Variants in ADAMTS5 observed in about 807,000 individuals in gnomAD.
The protein encoded by ADAMTS5 is ADAM metallopeptidase with thrombospondin type 1 motif 5.
ADAMTS5 carries 54 observed loss-of-function variants against 81.4 expected under a neutral mutation model. The ratio of observed to expected loss-of-function variants is 0.66; its 90% CI spans 0.53 to 0.83. The LOEUF is 0.83. Among genes scored for constraint, ADAMTS5 ranks in the 40% least tolerant of loss-of-function variants. The pLI, the probability that ADAMTS5 is intolerant of heterozygous loss-of-function variation, is 0.00. For synonymous variants in ADAMTS5, 532 were observed against 508.8 expected (o/e 1.05, Z -0.61); for missense variants, 1,194 against 1,229.9 (o/e 0.97, Z 0.44).
Position 26,924,109 on chromosome 21 carries a change from A to G in ADAMTS5, c.2737T>C (p.Cys913Arg). The G allele has an allele frequency of 6.2e-7, 1 of 1,612,172 alleles. No homozygotes were observed. The highest frequency in any genetic ancestry group is 8.5e-7 in the Non-Finnish European group (1 of 1,178,302). The change falls in exon 8 of 8, where the codon TGT becomes CGT. Residue 913 changes from cysteine (C) to arginine (R), a missense_variant. By Grantham distance (180) the Cys-to-Arg change is radical (BLOSUM62 -3). This residue lies in a region of ADAMTS5 where 696 missense variants were observed against 817.6 expected (regional missense o/e 0.85). Coordinates refer to ENST00000284987, the MANE Select transcript of ADAMTS5 (RefSeq NM_007038.5). ...GCAGAAGGCCTTTGGGAGAGAGGACATCCTTTTGCTAACTTCCGGTTTCCA... is the reference window on the plus strand; with the variant it reads ...GCAGAAGGCCTTTGGGAGAGAGGACGTCCTTTTGCTAACTTCCGGTTTCCA... The part of the protein sequence containing the change: ...QDGNRKLAKG[C>R]PLSQRPSAFK...
At chr21:26,958,872 C>A (rs936281991) in intron 1 of ADAMTS5, among the ~76,000 whole-genome samples, 1 of 152,176 alleles carries the variant, frequency 6.6e-6, no homozygotes, top group African/African-American at 2.4e-5. Flanking sequence ...ATAAAGGTGT[C>A]TCCACGGAAG....
At chr21:26,953,133 C>G (rs1161374897) in intron 2 of ADAMTS5, among the ~76,000 whole-genome samples, 1 of 152,174 alleles carries the variant, frequency 6.6e-6, no homozygotes, top group African/African-American at 2.4e-5. Context: ...ACCAGTTCTT[C>G]TAGTGCAGCT....
At chr21:26,933,817 C>T (rs1986959687) in intron 4 of ADAMTS5, among the ~76,000 whole-genome samples, 2 of 152,084 alleles carry the variant, frequency 1.3e-5, no homozygotes, top group Non-Finnish European at 1.5e-5. Context: ...TGGGTGATGC[C>T]CTGGAAAGAT....
intron 3 of ADAMTS5, chr21:26,939,531 T>A (rs960913924): frequency 6.6e-6 from 1 of 152,214 alleles, no homozygotes; most frequent in African/African-American, 2.4e-5. Flanking sequence ...TCCAATATCA[T>A]TTTATGTGCA....
intron 3 of ADAMTS5, 83 bp from the exon 4 acceptor site, chr21:26,934,832 C>T (rs561638595): frequency 1.9e-5 from 30 of 1,543,774 alleles, no homozygotes; most frequent in African/African-American, 6.8e-5. Context: ...TGAAATGCCC[C>T]GGCTGGTGTT....
intron 4 of ADAMTS5, among the ~76,000 whole-genome samples, 173 bp downstream of exon 4, chr21:26,934,293 C>T (rs2830587): frequency 0.058 from 8,791 of 152,142 alleles, 542 homozygotes; most frequent in African/African-American, 0.15. Context: ...CAGTAAATCT[C>T]GGATCACTGA....
intron 4 of ADAMTS5, 148 bp downstream of exon 4, chr21:26,934,318 G>T: frequency 9.6e-7 from 1 of 1,039,298 alleles, no homozygotes; most frequent in Non-Finnish European, 1.4e-6. Flanking sequence ...GGCTACTGCG[G>T]GTAAAAGAAG....
chr21:26,933,179 C>T, intron 4 of ADAMTS5, 135 bp from the exon 5 acceptor site: 1 of 950,738 alleles, frequency 1.1e-6, no homozygotes, highest in Non-Finnish European at 1.5e-6. Context: ...CTGAATTTAA[C>T]ATGATCATGC....
At chr21:26,944,432 A>G (rs1987175322) in intron 2 of ADAMTS5, among the ~76,000 whole-genome samples, 1 of 152,180 alleles carries the variant, frequency 6.6e-6, no homozygotes, top group African/African-American at 2.4e-5. Context: ...AGAGCCCATA[A>G]TTGCATTCTT....
At chr21:26,934,000 T>G (rs1986963802) in intron 4 of ADAMTS5, among the ~76,000 whole-genome samples, 2 of 152,176 alleles carry the variant, frequency 1.3e-5, no homozygotes, top group African/African-American at 2.4e-5. Flanking sequence ...TAAGTTACTT[T>G]AGCTCCTAAA....
Position 26,953,012 on chromosome 21 carries a change from G to T in ADAMTS5, c.1237+1727C>A, listed in dbSNP as rs143826248. 2.5e-3 allele frequency among the ~76,000 whole-genome samples: 375 copies of T among 152,274 alleles called. 3 individuals carry two copies. The highest frequency in any genetic ancestry group is 7.6e-3 in the African/African-American group (314 of 41,540). ...AGATACGTAATAAATATTGATTAAG[G>T]TTCTGTATTAGGCTGTGTTTTTATC... On this transcript the variant is annotated intron_variant, in intron 2 of 7. Transcript: ENST00000284987.
At chr21:26,943,595 T>A in intron 2 of ADAMTS5, 48 bp from the exon 3 acceptor site, 1 of 1,550,550 alleles carries the variant, frequency 6.4e-7, no homozygotes. Flanking sequence ...ATTGTGTATT[T>A]CTATCTTTCC....
chr21:26,932,213 C>T (rs1270878842), intron 5 of ADAMTS5, 34 bp from the exon 6 acceptor site: 11 of 1,592,170 alleles, frequency 6.9e-6, no homozygotes, highest in Non-Finnish European at 9.4e-6. Context: ...ATTACCTTAT[C>T]AGTTCTGAAA....
chr21:26,938,612 C>T (rs1987059219), intron 3 of ADAMTS5, among the ~76,000 whole-genome samples: 1 of 152,192 alleles, frequency 6.6e-6, no homozygotes, highest in East Asian at 1.9e-4. Flanking sequence ...TCACTGCAAC[C>T]TCCATCTCCC....
rs774373621 is a variant in ADAMTS5, at chr21:26,965,756, G to T, written c.636C>A (p.Pro212=). 1.3e-6 allele frequency: 2 copies of T among 1,598,736 alleles called. No individual in the cohort carries two copies. The highest frequency in any genetic ancestry group is 8.5e-7 in the Non-Finnish European group (1 of 1,173,462). ...GCTCGTGGGCCTCCGGTGTGGACGCGGGGGTTTCGCAGCTGGCGCGCGGCG... is the reference window on the plus strand; with the variant it reads ...GCTCGTGGGCCTCCGGTGTGGACGCTGGGGTTTCGCAGCTGGCGCGCGGCG... ...ALPPRASCET[P]ASTPEAHEHA... is the part of the protein sequence containing the mutation. The change falls in exon 1 of 8, where the codon CCC becomes CCA. Residue 212 remains proline, a synonymous_variant. Transcript: ENST00000284987.
chr21:26,919,358 T>C lies in ADAMTS5; in HGVS notation c.*4695A>G, dbSNP rs989746347. ...TTCCATTTGACCTTTACAGTCCACA[T>C]GGTCCAGTTAGTTGAAGCCACAAAA... On this transcript the variant is annotated 3_prime_UTR_variant, in exon 8 of 8. Transcript: ENST00000284987. 4.6e-5 allele frequency: 7 copies of C among 151,884 alleles called. No individual in the cohort carries two copies. Among genetic ancestry groups the C allele is most frequent in the African/African-American group, 1.4e-4 (6 of 41,380 alleles). The allele number at this position is 151,884 out of a possible 1,614,324, so 9.4% of individuals were successfully genotyped here.
chr21:26,951,709 AAAAAAAAAAAAAAATT>A (rs1987321081), intron 2 of ADAMTS5, among the ~76,000 whole-genome samples: 4 of 144,914 alleles, frequency 2.8e-5, no homozygotes, highest in African/African-American at 1.1e-4. Context: ...AAAAAAAAAA[AAAAAAAAAAAAAAATT>A]AGGAAGAGAG....
In ADAMTS5 at chr21:26,930,077, T is replaced by G; in HGVS notation, c.2050-16A>C. The G allele has an allele frequency of 1.2e-6, 2 of 1,612,652 alleles. No individual in the cohort carries two copies. The highest frequency in any genetic ancestry group is 1.7e-6 in the Non-Finnish European group (2 of 1,178,984). ...CATCGGTCACCTGAATCATGGCAAA[T>G]GCATTAGGAGTGGGAAATGTTTGCA... is the stretch of plus-strand genomic sequence containing the variant. On this transcript the variant is annotated splice_polypyrimidine_tract_variant and intron_variant, in intron 6 of 7. Coordinates refer to ENST00000284987, the MANE Select transcript of ADAMTS5 (RefSeq NM_007038.5).
chr21:26,931,368 C>T (rs1219659698), intron 6 of ADAMTS5, among the ~76,000 whole-genome samples: 1 of 152,074 alleles, frequency 6.6e-6, no homozygotes, highest in Non-Finnish European at 1.5e-5. Flanking sequence ...AATGTAGCAA[C>T]TGTTTACAAA....
Sources: gnomAD v4.1 joint callset for allele counts (sites outside exome capture counted in the v4.1 genomes callset) on GRCh38, gnomAD v4.1.1 for gene constraint, gnomAD v4.1.1 regional missense constraint, MANE v1.5 for transcripts, NCBI Gene and HGNC (gene_info 2026-07-23, HGNC 2026-07-21) for gene names.